The following AHR variants were observed in gnomAD, a reference collection of about 807,000 sequenced individuals.
The protein encoded by AHR is aryl hydrocarbon receptor, also known as AH-receptor.
AHR carries 40 observed loss-of-function variants against 86.8 expected under a neutral mutation model. The ratio of observed to expected loss-of-function variants is 0.46; its 90% CI spans 0.36 to 0.60. AHR has a LOEUF of 0.60. AHR is among the 20% of genes least tolerant of loss of function. The pLI is 0.00. For synonymous variants in AHR, 398 were observed against 354.9 expected (o/e 1.12, Z -1.37); for missense variants, 1,001 against 1,011.6 (o/e 0.99, Z 0.14).
chr7:17,325,485 C>T (rs770215823), intron 3 of AHR, among the ~76,000 whole-genome samples: 13 of 152,168 alleles, frequency 8.5e-5, no homozygotes, highest in Non-Finnish European at 1.5e-5. Context: ...TATAGTGTTA[C>T]TGCCAAGAGA....
Position 17,339,590 on chromosome 7 carries a change from T to G in AHR, c.1765T>G (p.Leu589Val). The part of the protein sequence containing the change: ...DEILTYVQDS[L>V]SKSPFIPSDY... The stretch of plus-strand genomic sequence containing the variant: ...AATCCTGACGTATGTCCAAGATTCT[T>G]TAAGTAAGTCTCCCTTCATACCTTC... Residue 589 changes from leucine (L) to valine (V), a missense_variant, in exon 10 of 11, where the codon TTA becomes GTA. Around this residue, in one of 2 missense-constraint regions of AHR, gnomAD observed 607 missense variants for 543.1 expected, o/e 1.12. Coordinates refer to ENST00000242057, the MANE Select transcript of AHR (RefSeq NM_001621.5). 4 of 1,614,154 alleles carry G rather than the reference T, an allele frequency of 2.5e-6. No homozygotes were observed. The highest frequency in any genetic ancestry group is 3.4e-6 in the Non-Finnish European group (4 of 1,180,036).
Position 17,330,141 on chromosome 7 carries a change from G to A in AHR, c.574+66G>A, listed in dbSNP as rs1782271893. On this transcript the variant is annotated intron_variant, in intron 5 of 10. Coordinates refer to ENST00000242057, the MANE Select transcript of AHR (RefSeq NM_001621.5). ...AAATATGAGTCTGTGAAAGGAGGCT[G>A]GGAACCTGTAGGGTCATAGAACTCC... 3 of 1,501,382 alleles carry A rather than the reference G, an allele frequency of 2.0e-6. No homozygotes were observed. The Admixed American group carries it at 5.3e-5, about 27-fold the overall frequency. The allele number at this position is 1,501,382 out of a possible 1,614,324, so 93.0% of individuals were successfully genotyped here.
chr7:17,312,365 GA>G (rs935771144), intron 2 of AHR, among the ~76,000 whole-genome samples: 3 of 150,172 alleles, frequency 2.0e-5, no homozygotes, highest in Non-Finnish European at 4.4e-5. Flanking sequence ...ATGTTAAAAA[GA>G]AAAAAAAAGT....
chr7:17,325,955 A>C (rs1023218928), intron 3 of AHR, among the ~76,000 whole-genome samples: 2 of 152,174 alleles, frequency 1.3e-5, no homozygotes, highest in African/African-American at 4.8e-5. Flanking sequence ...AAAGTAAAAA[A>C]ATAGAACAAA....
chr7:17,303,847 A>G (rs1225869638), intron 1 of AHR, among the ~76,000 whole-genome samples: 2 of 152,126 alleles, frequency 1.3e-5, no homozygotes, highest in African/African-American at 4.8e-5. Context: ...AAATTAAGAA[A>G]AATTTACTAA....
chr7:17,318,202 T>G (rs900163080), intron 2 of AHR, among the ~76,000 whole-genome samples: 3 of 152,172 alleles, frequency 2.0e-5, no homozygotes, highest in Non-Finnish European at 4.4e-5. Context: ...TTACCACTAT[T>G]CGGTATTCCT....
rs201165260 is a variant in AHR, at chr7:17,338,949, GA to G, written c.1161-35del. 7.2e-3 allele frequency: 10,791 copies of G among 1,501,042 alleles called. 76 individuals carry two copies. The highest frequency in any genetic ancestry group is 0.021 in the Admixed American group (965 of 44,968). 93.0% of individuals were successfully genotyped at this position (1,501,042 alleles called of 1,614,324 possible). A position where few individuals can be genotyped will look rare whatever the true frequency, so the allele number is the denominator to read the frequency against. On this transcript the variant is annotated intron_variant, in intron 9 of 10. Coordinates refer to ENST00000242057, the MANE Select transcript of AHR (RefSeq NM_001621.5). Reference sequence around the variant, plus strand: ...TATTTTTATTTTAAAATGTTTGATAGAATTTTTTTCTAAGACTTTTTTGTAC... The same window carrying G: ...TATTTTTATTTTAAAATGTTTGATAGATTTTTTTCTAAGACTTTTTTGTAC...
intron 9 of AHR, 151 bp downstream of exon 9, chr7:17,335,937 T>C (rs1002157250): frequency 1.4e-6 from 1 of 736,236 alleles, no homozygotes; most frequent in Non-Finnish European, 2.1e-6. Context: ...GTGAGAGACA[T>C]TGAGAAGATA....
intron 4 of AHR, among the ~76,000 whole-genome samples, chr7:17,328,298 A>G (rs1331288683): frequency 6.6e-6 from 1 of 151,998 alleles, no homozygotes. Context: ...AAGCTGACCT[A>G]AATAATGTGT....
chr7:17,300,094 C>T (rs1781939507), intron 1 of AHR, among the ~76,000 whole-genome samples: 1 of 152,132 alleles, frequency 6.6e-6, no homozygotes, highest in Admixed American at 6.5e-5. Context: ...TAACATCTAC[C>T]TCTAATTCTT....
At chr7:17,310,678 G>A (rs901709080) in intron 2 of AHR, among the ~76,000 whole-genome samples, 3 of 151,766 alleles carry the variant, frequency 2.0e-5, no homozygotes, top group African/African-American at 2.4e-5. Flanking sequence ...GGGATTATAG[G>A]CGCCCACCAC....
At position 17,335,941 on chromosome 7, in the gene AHR, G is replaced by C. The variant is rs951052914; in HGVS notation, c.1160+155G>C. 20 of 721,244 alleles carry C rather than the reference G, an allele frequency of 2.8e-5. No homozygotes were observed. In the African/African-American group the frequency reaches 3.6e-4, roughly 13 times the overall value. 44.7% of individuals were successfully genotyped at this position (721,244 alleles called of 1,614,324 possible). ...GAAGAGCACAGGTGAGAGACATTGA[G>C]AAGATAGAATTGACGAACTTGATTG... On this transcript the variant is annotated intron_variant, in intron 9 of 10. Coordinates refer to ENST00000242057, the MANE Select transcript of AHR (RefSeq NM_001621.5).
In AHR at chr7:17,341,061, ATTAGAAAATAT is replaced by A. The variant is rs1359439126; in HGVS notation, c.2403+838_2403+848del. ...TCATGTTTGCATTTATGCTTTTTCCATTAGAAAATATTTAGTTCATTTTAAAGTATATTTAA... is the reference window on the plus strand; with the variant it reads ...TCATGTTTGCATTTATGCTTTTTCCATTAGTTCATTTTAAAGTATATTTAA... On this transcript the variant is annotated intron_variant, in intron 10 of 10. Coordinates refer to ENST00000242057, the MANE Select transcript of AHR (RefSeq NM_001621.5). 2.6e-5 allele frequency among the ~76,000 whole-genome samples: 4 copies of A among 152,114 alleles called. No individual in the cohort carries two copies. In the East Asian group the frequency reaches 7.7e-4, roughly 29 times the overall value.
In AHR at chr7:17,345,914, C is replaced by T. The variant is rs1782478634; in HGVS notation, c.*2850C>T. On this transcript the variant is annotated 3_prime_UTR_variant, in exon 11 of 11. Coordinates refer to ENST00000242057, the MANE Select transcript of AHR (RefSeq NM_001621.5). Reference sequence around the variant, plus strand: ...CTTTTCCTGTACCAGGTTTTTCTTACAATACCTGAAGACTTACCAGTATTC... The same window carrying T: ...CTTTTCCTGTACCAGGTTTTTCTTATAATACCTGAAGACTTACCAGTATTC... The T allele has an allele frequency of 1.3e-5, 2 of 152,670 alleles. No homozygotes were observed. Among genetic ancestry groups the T allele is most frequent in the African/African-American group, 4.8e-5 (2 of 41,430 alleles). The allele number at this position is 152,670 out of a possible 1,614,324, so 9.5% of individuals were successfully genotyped here. A position where few individuals can be genotyped will look rare whatever the true frequency, so the allele number is the denominator to read the frequency against.
intron 1 of AHR, 92 bp from the exon 2 acceptor site, chr7:17,309,844 A>G: frequency 9.2e-7 from 1 of 1,092,264 alleles, no homozygotes; most frequent in Non-Finnish European, 1.3e-6. Flanking sequence ...TTGTTGTGTT[A>G]GAGAAATATT....
At chr7:17,328,124 A>T (rs1159918153) in intron 4 of AHR, among the ~76,000 whole-genome samples, 1 of 151,988 alleles carries the variant, frequency 6.6e-6, no homozygotes, top group Non-Finnish European at 1.5e-5. Context: ...AGGGGAGAAG[A>T]TACAAAATTA....
chr7:17,320,940 G>A (rs190119402), intron 2 of AHR, among the ~76,000 whole-genome samples: 10 of 152,250 alleles, frequency 6.6e-5, no homozygotes, highest in African/African-American at 2.4e-4. Flanking sequence ...AGATTCTGGT[G>A]TGACACATTC....
At position 17,327,817 on chromosome 7, in the gene AHR, C is replaced by G. The variant is rs1288966849; in HGVS notation, c.419C>G (p.Ser140Cys). ...TTDALVFYAS[S>C]TIQDYLGFQQ... The stretch of plus-strand genomic sequence containing the variant: ...GATGCTTTGGTCTTTTATGCTTCTT[C>G]TACTATACAAGATTATCTAGGGTTT... Residue 140 changes from serine to cysteine, a missense_variant, in exon 4 of 11, where the codon TCT becomes TGT. Ser to Cys is a moderately radical substitution (Grantham distance 112, BLOSUM62 -1). This residue lies in a region of AHR where 394 missense variants were observed against 468.5 expected (regional missense o/e 0.84). Transcript: ENST00000242057. The G allele has an allele frequency of 5.7e-6, 9 of 1,568,300 alleles. No homozygotes were observed. The highest frequency in any genetic ancestry group is 7.8e-6 in the Non-Finnish European group (9 of 1,150,372).
In AHR at chr7:17,335,803, T is replaced by C. The variant is rs754588451; in HGVS notation, c.1160+17T>C. On this transcript the variant is annotated intron_variant, in intron 9 of 10. Transcript: ENST00000242057. ...ACCACTAACGTAAGCACAAATAATGTTTCCTGTTTTAACAGTTTTGTTTTC... is the reference window on the plus strand; with the variant it reads ...ACCACTAACGTAAGCACAAATAATGCTTCCTGTTTTAACAGTTTTGTTTTC... 1.9e-6 allele frequency: 3 copies of C among 1,604,960 alleles called. No individual in the cohort carries two copies. Among genetic ancestry groups the C allele is most frequent in the Non-Finnish European group, 2.5e-6 (3 of 1,176,674 alleles).
Sources: gnomAD v4.1 joint callset for allele counts (sites outside exome capture counted in the v4.1 genomes callset) on GRCh38, gnomAD v4.1.1 for gene constraint, gnomAD v4.1.1 regional missense constraint, MANE v1.5 for transcripts, NCBI Gene and HGNC (gene_info 2026-07-23, HGNC 2026-07-21) for gene names.